ANXA10: variants seen among roughly 807,000 people sequenced by gnomAD.
The protein encoded by ANXA10 is annexin A10.
ANXA10 carries 49 observed loss-of-function variants against 53.5 expected under a neutral mutation model. That is an observed-to-expected ratio of 0.92 (90% CI 0.73 to 1.16). The LOEUF is 1.16. Ranked by LOEUF, ANXA10 falls within the 50% of genes most tolerant of loss-of-function variation. The pLI, the probability that ANXA10 is intolerant of heterozygous loss-of-function variation, is 0.00. For synonymous variants in ANXA10, 131 were observed against 128.9 expected (o/e 1.02, Z -0.11); for missense variants, 393 against 394.4 (o/e 1.00, Z 0.03).
At chr4:168,153,422 C>CAAAAAAA (rs61179704) in intron 3 of ANXA10, among the ~76,000 whole-genome samples, 228 of 42,620 alleles carry the variant, frequency 5.3e-3, no homozygotes, top group Non-Finnish European at 8.1e-3. Flanking sequence ...AAGCCTAAAG[C>CAAAAAAA]AAAAAAAAAA....
intron 10 of ANXA10, among the ~76,000 whole-genome samples, chr4:168,184,192 T>C (rs1732319898): frequency 1.3e-5 from 2 of 152,214 alleles, no homozygotes; most frequent in South Asian, 2.1e-4. Flanking sequence ...AGGATCAGAT[T>C]TGCAGTTTAT....
At chr4:168,135,021 A>G (rs1487905667) in intron 2 of ANXA10, among the ~76,000 whole-genome samples, 1 of 152,238 alleles carries the variant, frequency 6.6e-6, no homozygotes, top group African/African-American at 2.4e-5. Context: ...TCCATTATAT[A>G]TCTTCCCTTG....
At chr4:168,180,417 T>C (rs937100802) in intron 9 of ANXA10, among the ~76,000 whole-genome samples, 1 of 152,196 alleles carries the variant, frequency 6.6e-6, no homozygotes, top group African/African-American at 2.4e-5. Context: ...CTTTCCACTA[T>C]AGACCCCTGC....
intron 6 of ANXA10, among the ~76,000 whole-genome samples, chr4:168,168,254 C>T (rs1731918127): frequency 6.6e-6 from 1 of 152,144 alleles, no homozygotes; most frequent in Admixed American, 6.5e-5. Flanking sequence ...GAGGTTTCTT[C>T]ACAGAAGTGT....
In ANXA10 at chr4:168,116,724, A is replaced by C. The variant is rs1210894149; in HGVS notation, c.19-11360A>C. Among the ~76,000 whole-genome samples, 4 of 152,190 alleles carry C rather than the reference A, an allele frequency of 2.6e-5. No homozygotes were observed. In the East Asian group the frequency reaches 7.7e-4, roughly 29 times the overall value. On this transcript the variant is annotated intron_variant, in intron 1 of 11. Transcript: ENST00000359299. The stretch of plus-strand genomic sequence containing the variant: ...GAGAAAAACATCCCATTATGGAATA[A>C]AGGTAGTATTATAAACTGGTGTCGT...
At chr4:168,171,589 G>A (rs927847574) in intron 6 of ANXA10, among the ~76,000 whole-genome samples, 44 of 152,098 alleles carry the variant, frequency 2.9e-4, no homozygotes, top group Non-Finnish European at 5.4e-4. Context: ...GAAATGGCAA[G>A]TGTTAAAAAT....
At chr4:168,146,929 G>A (rs191944041) in intron 3 of ANXA10, among the ~76,000 whole-genome samples, 178 of 152,192 alleles carry the variant, frequency 1.2e-3, no homozygotes, top group Admixed American at 2.2e-3. Context: ...TTCTTTTTTT[G>A]TTCTGCACAG....
chr4:168,153,442 C>CAAAAAAAAAAAAAA (rs1560782282), intron 3 of ANXA10, among the ~76,000 whole-genome samples: 1 of 42,934 alleles, frequency 2.3e-5, no homozygotes, highest in Non-Finnish European at 4.8e-5. Flanking sequence ...AAAAAAAAAA[C>CAAAAAAAAAAAAAA]AAAAACAAAA....
chr4:168,124,586 T>C (rs1731038720), intron 1 of ANXA10, among the ~76,000 whole-genome samples: 1 of 152,238 alleles, frequency 6.6e-6, no homozygotes, highest in Non-Finnish European at 1.5e-5. Context: ...TGACTTTTTC[T>C]ATCCTATGTG....
chr4:168,109,897 C>T (rs1425612293), intron 1 of ANXA10, among the ~76,000 whole-genome samples: 2 of 152,142 alleles, frequency 1.3e-5, no homozygotes, highest in Non-Finnish European at 2.9e-5. Flanking sequence ...GTTTACACTC[C>T]TTACTATAAT....
intron 3 of ANXA10, among the ~76,000 whole-genome samples, chr4:168,144,324 T>G (rs1731373776): frequency 6.6e-6 from 1 of 152,242 alleles, no homozygotes; most frequent in Admixed American, 6.5e-5. Flanking sequence ...GTAGCTGAGA[T>G]TACAGGACCG....
chr4:168,160,119 CAT>C (rs1731756430), intron 3 of ANXA10, among the ~76,000 whole-genome samples: 1 of 152,104 alleles, frequency 6.6e-6, no homozygotes, highest in African/African-American at 2.4e-5. Context: ...CACAGGTAAA[CAT>C]GTGCCATGGT....
Position 168,134,620 on chromosome 4 carries a change from G to T in ANXA10, c.101-4866G>T, listed in dbSNP as rs576516300. ...CATGCCATTAACAGATTCCTCTACT[G>T]GTTTTGTTTTGTTTTGTTTTTTGTT... On this transcript the variant is annotated intron_variant, in intron 2 of 11. Coordinates refer to ENST00000359299, the MANE Select transcript of ANXA10 (RefSeq NM_007193.5). Among the ~76,000 whole-genome samples, 80 of 152,234 alleles carry T rather than the reference G, an allele frequency of 5.3e-4. 1 individual carries two copies. In the South Asian group the frequency reaches 0.016, roughly 30 times the overall value.
chr4:168,116,852 G>A, intron 1 of ANXA10, among the ~76,000 whole-genome samples: 1 of 152,088 alleles, frequency 6.6e-6, no homozygotes, highest in East Asian at 1.9e-4. Flanking sequence ...TTAAATCCAT[G>A]TTCTTTGTGA....
chr4:168,119,438 A>C (rs1579207959), intron 1 of ANXA10, among the ~76,000 whole-genome samples: 1 of 152,164 alleles, frequency 6.6e-6, no homozygotes. Context: ...AAAGCAATCA[A>C]TTGTCATAGA....
Position 168,179,119 on chromosome 4 carries a change from A to G in ANXA10, c.629-98A>G, listed in dbSNP as rs969949392. 33 of 763,624 alleles carry G rather than the reference A, an allele frequency of 4.3e-5. No homozygotes were observed. In the Admixed American group the frequency reaches 8.0e-4, roughly 19 times the overall value. The allele number at this position is 763,624 out of a possible 1,614,324, so 47.3% of individuals were successfully genotyped here. A position where few individuals can be genotyped will look rare whatever the true frequency, so the allele number is the denominator to read the frequency against. ...ATTGATAACAGTAGTACTTTTAATT[A>G]TTTTATGGAAAATATGGATTTTTAC... On this transcript the variant is annotated intron_variant, in intron 8 of 11. Transcript: ENST00000359299.
chr4:168,165,647 A>G (rs1341479751), intron 6 of ANXA10, among the ~76,000 whole-genome samples: 2 of 152,168 alleles, frequency 1.3e-5, no homozygotes, highest in Non-Finnish European at 2.9e-5. Flanking sequence ...TACAGTTAAA[A>G]TTAATAATTC....
chr4:168,125,854 A>T (rs1731058553), intron 1 of ANXA10, among the ~76,000 whole-genome samples: 1 of 152,124 alleles, frequency 6.6e-6, no homozygotes, highest in Non-Finnish European at 1.5e-5. Context: ...CTAAAAGGAG[A>T]GTATTCTTTA....
At chr4:168,180,357 C>A (rs1732217041) in intron 9 of ANXA10, among the ~76,000 whole-genome samples, 1 of 152,168 alleles carries the variant, frequency 6.6e-6, no homozygotes, top group South Asian at 2.1e-4. Flanking sequence ...AGCTGATTAG[C>A]AGCAAAGTTA....
Sources: gnomAD v4.1 joint callset for allele counts (sites outside exome capture counted in the v4.1 genomes callset) on GRCh38, gnomAD v4.1.1 for gene constraint, MANE v1.5 for transcripts, NCBI Gene and HGNC (gene_info 2026-07-23, HGNC 2026-07-21) for gene names.